Variants in ZNF469 observed in about 807,000 individuals in gnomAD.
ZNF469 encodes zinc finger protein 469.
A neutral mutation model predicts 1.0 loss-of-function variants in ZNF469; 1 was observed. The observed-to-expected ratio is 1.00, with a 90% CI of 0.35 to 4.73. The LOEUF (loss-of-function observed/expected upper bound fraction) is 4.73. Among genes scored for constraint, ZNF469 ranks in the 30% most tolerant of loss-of-function variants. The probability of loss-of-function intolerance (pLI) is 0.16; values close to 1 mark genes in which losing one functional copy is unlikely to be tolerated. For missense variants in ZNF469, 6,100 were observed against 5,356.3 expected (o/e 1.14, Z -4.33); for synonymous variants, 2,703 against 2,363.4 (o/e 1.14, Z -4.17).
At chr16:88,216,292 G>A in the ZNF469 span, among the ~76,000 whole-genome samples, 1 of 152,034 alleles carries the variant, frequency 6.6e-6, no homozygotes, top group South Asian at 2.1e-4. Context: ...TCAGGAGATC[G>A]AGAACATCCT....
At chr16:88,112,481 C>T in the ZNF469 span, among the ~76,000 whole-genome samples, 4 of 152,098 alleles carry the variant, frequency 2.6e-5, no homozygotes, top group African/African-American at 9.7e-5. Context: ...CCATTTTAAC[C>T]GGGGTGAGGT....
At chr16:88,258,412 AC>A in the ZNF469 span, among the ~76,000 whole-genome samples, 17 of 118,396 alleles carry the variant, frequency 1.4e-4, no homozygotes, top group South Asian at 1.8e-3. Flanking sequence ...TGAATGGCTC[AC>A]CCCCCCACCC....
the ZNF469 span, among the ~76,000 whole-genome samples, chr16:88,127,981 G>A: frequency 6.6e-6 from 1 of 152,216 alleles, no homozygotes; most frequent in Admixed American, 6.5e-5. Flanking sequence ...AGGCTTGCCT[G>A]TGCCGGCGGC....
the ZNF469 span, among the ~76,000 whole-genome samples, chr16:88,251,229 A>G: frequency 6.6e-6 from 1 of 152,132 alleles, no homozygotes; most frequent in East Asian, 1.9e-4. Flanking sequence ...CACATTTATA[A>G]CATCTCATTT....
chr16:88,250,699 T>C, the ZNF469 span, among the ~76,000 whole-genome samples: 1 of 152,202 alleles, frequency 6.6e-6, no homozygotes, highest in Non-Finnish European at 1.5e-5. Context: ...AATTAAGTAA[T>C]TTGTTTTCAC....
At chr16:88,378,244 G>C (rs145026997), upstream of ZNF469, among the ~76,000 whole-genome samples, 646 of 152,268 alleles carry the variant, frequency 4.2e-3, 2 homozygotes, top group African/African-American at 0.015. Context: ...GGCGGGCAGG[G>C]AGCAGGGGGC....
At chr16:88,304,993 A>T in the ZNF469 span, among the ~76,000 whole-genome samples, 2 of 152,084 alleles carry the variant, frequency 1.3e-5, no homozygotes, top group Non-Finnish European at 2.9e-5. Flanking sequence ...TCCCCAAGCC[A>T]CTGGATGATT....
chr16:88,425,743 C>G (rs980425677), intron 2 of ZNF469, among the ~76,000 whole-genome samples: 1 of 152,228 alleles, frequency 6.6e-6, no homozygotes, highest in Non-Finnish European at 1.5e-5. Flanking sequence ...GCCTTTGCCC[C>G]CTGGCAGTGG....
rs1203095817 is a variant in ZNF469 at position 88,438,967 on chromosome 16, AGCTTC to A, written c.11499_11503del (p.Ser3833ArgfsTer8). The A allele has an allele frequency of 5.8e-6, 9 of 1,550,348 alleles. No individual in the cohort carries two copies. The highest frequency in any genetic ancestry group is 2.0e-5 in the Admixed American group (1 of 50,990). On this transcript the variant is annotated frameshift_variant, in exon 3 of 3. Coordinates refer to ENST00000565624, the MANE Select transcript of ZNF469 (RefSeq NM_001367624.2). LOFTEE classifies it low-confidence loss of function (END_TRUNC). Reference sequence around the variant, plus strand: ...GCCAGCCAGGAGTGAAAGTGTGGGGAGCTTCGGGAGAGCCCCCTCAGCCCCTGACA... The same window carrying A: ...GCCAGCCAGGAGTGAAAGTGTGGGGAGGGAGAGCCCCCTCAGCCCCTGACA...
At chr16:88,333,173 G>T in the ZNF469 span, among the ~76,000 whole-genome samples, 2 of 152,168 alleles carry the variant, frequency 1.3e-5, no homozygotes, top group Non-Finnish European at 2.9e-5. Context: ...CCATCCGTGA[G>T]TCCCCTGCTT....
chr16:88,210,957 G>C, the ZNF469 span, among the ~76,000 whole-genome samples: 1 of 152,150 alleles, frequency 6.6e-6, no homozygotes, highest in African/African-American at 2.4e-5. Flanking sequence ...CATTGGTATT[G>C]GGCGGGGTTG....
chr16:88,327,096 C>T, the ZNF469 span, among the ~76,000 whole-genome samples: 2 of 152,196 alleles, frequency 1.3e-5, no homozygotes, highest in African/African-American at 2.4e-5. Context: ...TCAGGAGAAG[C>T]GCCACTCTGG....
chr16:88,109,566 C>T, the ZNF469 span, among the ~76,000 whole-genome samples: 11 of 146,300 alleles, frequency 7.5e-5, no homozygotes, highest in South Asian at 2.2e-4. Flanking sequence ...TCTGTGTCCA[C>T]GCTGTCTCCT....
intron 1 of ZNF469, among the ~76,000 whole-genome samples, chr16:88,384,527 C>T (rs904874782): frequency 2.0e-5 from 3 of 152,318 alleles, no homozygotes; most frequent in South Asian, 2.1e-4. Context: ...GCCTGGGAGA[C>T]GTGTCTTCCA....
At chr16:88,162,003 A>G in the ZNF469 span, among the ~76,000 whole-genome samples, 1 of 152,236 alleles carries the variant, frequency 6.6e-6, no homozygotes, top group African/African-American at 2.4e-5. Flanking sequence ...AGAATCACAA[A>G]TAGAGACAAC....
chr16:88,200,434 C>G, the ZNF469 span, among the ~76,000 whole-genome samples: 1 of 152,244 alleles, frequency 6.6e-6, no homozygotes, highest in Non-Finnish European at 1.5e-5. Flanking sequence ...GAAGGGACCG[C>G]ACCTGCCCCG....
chr16:88,434,060 C>G lies in ZNF469; in HGVS notation c.6590C>G (p.Pro2197Arg). The change falls in exon 3 of 3, where the codon CCG becomes CGG. Residue 2197 changes from proline (P) to arginine (R), a missense_variant. Physicochemically the swap from Pro to Arg is moderately radical, Grantham distance 103 (BLOSUM62 -2). Transcript: ENST00000565624. Reference protein sequence around the residue: ...TGAEDSPVAPPSLTTSPCDPK... With the variant: ...TGAEDSPVAPRSLTTSPCDPK... ...GCTGAGGATTCCCCGGTGGCTCCCC[C>G]GTCTTTGACAACAAGCCCCTGCGAT... 5.2e-6 allele frequency: 8 copies of G among 1,550,346 alleles called. No homozygotes were observed. Among genetic ancestry groups the G allele is most frequent in the Non-Finnish European group, 7.0e-6 (8 of 1,146,910 alleles).
the ZNF469 span, among the ~76,000 whole-genome samples, chr16:88,105,501 C>T: frequency 2.0e-5 from 3 of 152,090 alleles, no homozygotes; most frequent in African/African-American, 7.2e-5. Context: ...GATGGAGTTT[C>T]ACTGTGTTGG....
In ZNF469 at chr16:88,436,217, G is replaced by A. The variant is rs1184261582; in HGVS notation, c.8747G>A (p.Ser2916Asn). The part of the protein sequence containing the change: ...ARLPTDLSDS[S>N]SLCLCHEDPW... ...CTGCCCACGGACCTCAGCGACTCCA[G>A]CTCCCTCTGCCTCTGCCATGAGGAC... Residue 2916 changes from serine (S) to asparagine (N), a missense_variant, in exon 3 of 3, where the codon AGC becomes AAC. Coordinates refer to ENST00000565624, the MANE Select transcript of ZNF469 (RefSeq NM_001367624.2). 1 of 1,548,724 alleles carries A rather than the reference G, an allele frequency of 6.5e-7. No individual in the cohort carries two copies. The highest frequency in any genetic ancestry group is 2.4e-5 in the East Asian group (1 of 40,918).
Sources: allele counts gnomAD v4.1 joint callset (sites outside exome capture counted in the v4.1 genomes callset), GRCh38; gene constraint gnomAD v4.1.1; transcripts MANE v1.5; gene names NCBI Gene and HGNC (gene_info 2026-07-23, HGNC 2026-07-21).